The following DNAH11 variants were observed in gnomAD, a reference collection of about 807,000 sequenced individuals.
DNAH11 encodes axonemal beta dynein heavy chain 11.
Under a neutral mutation model 526.0 loss-of-function variants are expected in DNAH11, and 442 were observed. The observed-to-expected ratio is 0.84, with a 90% CI of 0.78 to 0.91. The LOEUF (loss-of-function observed/expected upper bound fraction) is 0.91. Ranked by LOEUF, DNAH11 falls within the 40% of genes least tolerant of loss-of-function variation. The probability of loss-of-function intolerance (pLI) is 0.00; values close to 1 mark genes in which losing one functional copy is unlikely to be tolerated. For missense variants in DNAH11, 6,989 were observed against 5,448.7 expected (o/e 1.28, Z -8.90); for synonymous variants, 2,461 against 1,935.9 (o/e 1.27, Z -7.12).
At position 21,901,314 on chromosome 7, in the gene DNAH11, G is replaced by A; in HGVS notation, c.*60G>A. 6.6e-7 allele frequency: 1 copy of A among 1,525,156 alleles called. No homozygotes were observed. The highest frequency in any genetic ancestry group is 2.1e-5 in the Admixed American group (1 of 48,392). 94.5% of individuals were successfully genotyped at this position (1,525,156 alleles called of 1,614,324 possible). On this transcript the variant is annotated 3_prime_UTR_variant, in exon 82 of 82. Coordinates refer to ENST00000409508, the MANE Select transcript of DNAH11 (RefSeq NM_001277115.2). ...TGCAGTGAGGATTTTCTAGCATGTT[G>A]CTGCACTGTTCCCATGCACATTATT...
chr7:21,619,063 G>C, intron 23 of DNAH11, 37 bp from the exon 24 acceptor site: 2 of 1,611,742 alleles, frequency 1.2e-6, no homozygotes, highest in Non-Finnish European at 1.7e-6. Flanking sequence ...GTTCATATAT[G>C]TGGAATATAA....
chr7:21,770,118 G>A (rs1385539376), intron 55 of DNAH11, among the ~76,000 whole-genome samples: 1 of 152,080 alleles, frequency 6.6e-6, no homozygotes, highest in African/African-American at 2.4e-5. Context: ...AACTGCTGTT[G>A]GTGCTACTGC....
At position 21,774,015 on chromosome 7, in the gene DNAH11, G is replaced by A; in HGVS notation, c.9336+16G>A. ...AGCCTCTCAGGTATGACCAGGATGT[G>A]TTATTACTGAGTAATATTTATGCTG... is the stretch of plus-strand genomic sequence containing the variant. On this transcript the variant is annotated intron_variant, in intron 56 of 81. Transcript: ENST00000409508. 6.6e-7 allele frequency: 1 copy of A among 1,522,662 alleles called. No individual in the cohort carries two copies. Among genetic ancestry groups the A allele is most frequent in the Non-Finnish European group, 8.8e-7 (1 of 1,134,968 alleles). 94.3% of individuals were successfully genotyped at this position (1,522,662 alleles called of 1,614,324 possible).
intron 70 of DNAH11, among the ~76,000 whole-genome samples, 197 bp downstream of exon 70, chr7:21,864,854 C>G (rs1241234250): frequency 6.6e-6 from 1 of 152,094 alleles, no homozygotes; most frequent in Non-Finnish European, 1.5e-5. Flanking sequence ...TGTAAAGGAG[C>G]TTTTGGCTTA....
At chr7:21,565,774 C>T (rs1213547252) in intron 6 of DNAH11, among the ~76,000 whole-genome samples, 1 of 152,190 alleles carries the variant, frequency 6.6e-6, no homozygotes, top group African/African-American at 2.4e-5. Context: ...GCGTAGTGCT[C>T]GGTGTTTAAT....
chr7:21,778,985 T>A lies in DNAH11; in HGVS notation c.9364T>A (p.Ser3122Thr). 6.2e-7 allele frequency: 1 copy of A among 1,613,274 alleles called. No homozygotes were observed. Among genetic ancestry groups the A allele is most frequent in the South Asian group, 1.1e-5 (1 of 91,024 alleles). The part of the protein sequence containing the change: ...QVGDLKARLA[S>T]QEAELQLRNH... ...GGGAGATCTAAAAGCCAGACTTGCCTCTCAAGAAGCCGAGCTGCAACTGAG... is the reference window on the plus strand; with the variant it reads ...GGGAGATCTAAAAGCCAGACTTGCCACTCAAGAAGCCGAGCTGCAACTGAG... Residue 3122 changes from serine to threonine, a missense_variant, in exon 57 of 82, where the codon TCT (serine) becomes ACT (threonine). By Grantham distance (58) the Ser-to-Thr change is moderately conservative (BLOSUM62 1). Transcript: ENST00000409508.
At chr7:21,804,123 T>C (rs1789135053) in intron 62 of DNAH11, among the ~76,000 whole-genome samples, 1 of 127,590 alleles carries the variant, frequency 7.8e-6, no homozygotes, top group African/African-American at 2.8e-5. Flanking sequence ...TTTTGTTTTG[T>C]TTTGAGACGG....
At position 21,880,747 on chromosome 7, in the gene DNAH11, C is replaced by CT; in HGVS notation, c.12247dup (p.Ser4083PhefsTer27). The CT allele has an allele frequency of 6.2e-7, 1 of 1,613,926 alleles. No homozygotes were observed. Among genetic ancestry groups the CT allele is most frequent in the Non-Finnish European group, 8.5e-7 (1 of 1,179,896 alleles). On this transcript the variant is annotated frameshift_variant, in exon 75 of 82. Transcript: ENST00000409508. LOFTEE classifies it high-confidence loss of function. ...CAAGGAGCAGGAGTTTAAAAGCATC[C>CT]TTTTTTCTCTCTGCTACTTCCACGC...
At chr7:21,802,784 A>G (rs10258448) in intron 62 of DNAH11, among the ~76,000 whole-genome samples, 57,330 of 151,502 alleles carry the variant, frequency 0.38, 11,588 homozygotes, top group East Asian at 0.81. Context: ...AATGTCCAGA[A>G]CAGGATAATT....
chr7:21,549,994 T>C (rs1782959100), intron 2 of DNAH11, among the ~76,000 whole-genome samples: 2 of 152,230 alleles, frequency 1.3e-5, no homozygotes, highest in South Asian at 4.1e-4. Flanking sequence ...GTTTCCATTT[T>C]GACCTGCTCT....
Position 21,739,654 on chromosome 7 carries a change from C to A in DNAH11, c.7895C>A (p.Thr2632Asn). Residue 2632 changes from threonine to asparagine, a missense_variant, in exon 48 of 82, where the codon ACC (threonine) becomes AAC (asparagine). By Grantham distance (65) the Thr-to-Asn change is moderately conservative. Transcript: ENST00000409508. ...ATGAATCCGATGGTGGGCAGCTTCA[C>A]CATCAATCCCAGGCTACAGGTAGGG... is the stretch of plus-strand genomic sequence containing the variant. ...ACMNPMVGSF[T>N]INPRLQRHFT... The A allele has an allele frequency of 6.2e-7, 1 of 1,612,694 alleles. No individual in the cohort carries two copies. The highest frequency in any genetic ancestry group is 8.5e-7 in the Non-Finnish European group (1 of 1,179,308).
chr7:21,900,345 A>ATATC (rs1435080311), intron 81 of DNAH11, among the ~76,000 whole-genome samples: 2 of 104,470 alleles, frequency 1.9e-5, no homozygotes, highest in African/African-American at 2.9e-5. Flanking sequence ...TTTTGCACAT[A>ATATC]TATCTGGATG....
chr7:21,814,698 G>A (rs1274008714), intron 63 of DNAH11, among the ~76,000 whole-genome samples: 1 of 151,950 alleles, frequency 6.6e-6, no homozygotes, highest in African/African-American at 2.4e-5. Context: ...CTAGGTGATA[G>A]GAATTTTTCG....
chr7:21,604,965 G>T (rs1186932893), intron 18 of DNAH11, among the ~76,000 whole-genome samples: 1 of 152,134 alleles, frequency 6.6e-6, no homozygotes, highest in Non-Finnish European at 1.5e-5. Flanking sequence ...TTCCTGAGCT[G>T]GTTTGGTATT....
rs916840116 is a variant in DNAH11, at chr7:21,750,467, A to G, written c.8940+103A>G. On this transcript the variant is annotated intron_variant, in intron 54 of 81. Coordinates refer to ENST00000409508, the MANE Select transcript of DNAH11 (RefSeq NM_001277115.2). ...TTATGAGTTTGAATTTCAGTCATGC[A>G]TTTTGAAAGGACGTGTGCATTTTTA... is the stretch of plus-strand genomic sequence containing the variant. The G allele has an allele frequency of 2.1e-6, 3 of 1,450,072 alleles. No homozygotes were observed. The African/African-American group carries it at 4.3e-5, about 21-fold the overall frequency. The allele number at this position is 1,450,072 out of a possible 1,614,324, so 89.8% of individuals were successfully genotyped here. A position where few individuals can be genotyped will look rare whatever the true frequency, so the allele number is the denominator to read the frequency against.
rs368578923 is a variant in DNAH11, at chr7:21,591,410, G to A, written c.2500G>A (p.Val834Met). Residue 834 changes from valine to methionine, a missense_variant, in exon 14 of 82, where the codon GTG becomes ATG. Coordinates refer to ENST00000409508, the MANE Select transcript of DNAH11 (RefSeq NM_001277115.2). ...EHRVERTQKN[V>M]KVIQQTMRGW... The stretch of plus-strand genomic sequence containing the variant: ...CAGAGTTGAGCGCACACAGAAAAAC[G>A]TGAAGGTGATCCAGCAGACCATGAG... 283 of 1,613,818 alleles carry A rather than the reference G, an allele frequency of 1.8e-4. No individual in the cohort carries two copies. The highest frequency in any genetic ancestry group is 2.3e-4 in the Non-Finnish European group (267 of 1,179,884).
intron 6 of DNAH11, among the ~76,000 whole-genome samples, chr7:21,569,601 A>G (rs923430396): frequency 3.3e-5 from 5 of 152,228 alleles, no homozygotes; most frequent in Admixed American, 3.3e-4. Flanking sequence ...CTAACTTGAA[A>G]GAATTTCCAC....
At chr7:21,731,036 C>T (rs1196225324) in intron 45 of DNAH11, among the ~76,000 whole-genome samples, 4 of 151,878 alleles carry the variant, frequency 2.6e-5, no homozygotes, top group East Asian at 3.9e-4. Flanking sequence ...CCCAGCTACT[C>T]GGGAGGCTGA....
At position 21,720,911 on chromosome 7, in the gene DNAH11, C is replaced by G. The variant is rs1207740451; in HGVS notation, c.7266+55C>G. The G allele has an allele frequency of 1.9e-5, 30 of 1,584,750 alleles. No homozygotes were observed. The East Asian group carries it at 6.4e-4, about 34-fold the overall frequency. On this transcript the variant is annotated intron_variant, in intron 44 of 81. Coordinates refer to ENST00000409508, the MANE Select transcript of DNAH11 (RefSeq NM_001277115.2). ...TTTCCAGTTTTGTGTGGGACAGGGT[C>G]ATGGGGAGGTTAAAACATGTGATCT...
Sources: gnomAD v4.1 joint callset for allele counts (sites outside exome capture counted in the v4.1 genomes callset) on GRCh38, gnomAD v4.1.1 for gene constraint, MANE v1.5 for transcripts, NCBI Gene and HGNC (gene_info 2026-07-23, HGNC 2026-07-21) for gene names.